PBK: variants seen among roughly 807,000 people sequenced by gnomAD.
PBK encodes PDZ binding kinase.
A neutral mutation model predicts 33.5 loss-of-function variants in PBK; 22 were observed. The ratio of observed to expected loss-of-function variants is 0.66; its 90% CI spans 0.47 to 0.94. PBK has a LOEUF of 0.94. Among genes scored for constraint, PBK ranks in the 40% least tolerant of loss-of-function variants. The pLI is 0.00. For missense variants in PBK, 376 were observed against 383.4 expected (o/e 0.98, Z 0.16); for synonymous variants, 129 against 123.8 (o/e 1.04, Z -0.28).
intron 3 of PBK, among the ~76,000 whole-genome samples, chr8:27,824,757 T>C (rs1481627621): frequency 1.3e-5 from 2 of 151,976 alleles, no homozygotes; most frequent in African/African-American, 4.8e-5. Flanking sequence ...TTTTAAAAAA[T>C]CAAAAGGGAC....
At chr8:27,817,187 T>C (rs779261545) in intron 6 of PBK, among the ~76,000 whole-genome samples, 1 of 152,096 alleles carries the variant, frequency 6.6e-6, no homozygotes, top group Admixed American at 6.6e-5. Flanking sequence ...AATATATATA[T>C]ATTTTTAGTG....
In PBK at chr8:27,810,095, C is replaced by A. The variant is rs6986820; in HGVS notation, c.*210G>T. 1,760 of 518,004 alleles carry A rather than the reference C, an allele frequency of 3.4e-3. 30 individuals are homozygous for A. The highest frequency in any genetic ancestry group is 0.032 in the African/African-American group (1,611 of 50,570). The allele number at this position is 518,004 out of a possible 1,614,324, so 32.1% of individuals were successfully genotyped here. ...ATCAAAGTACTTATGTAGCTAGTTT[C>A]TAAAACTTTACAGAAAACCCAGTAC... On this transcript the variant is annotated 3_prime_UTR_variant, in exon 8 of 8. Coordinates refer to ENST00000301905, the MANE Select transcript of PBK (RefSeq NM_018492.4).
chr8:27,820,592 A>C lies in PBK; in HGVS notation c.568T>G (p.Ser190Ala). ...GTCATATTTTCATCCAGTGGTAGAG[A>C]GACTCCTACATCACAGATTTTAATT... ...ETIKICDVGV[S>A]LPLDENMTVT... is the part of the protein sequence containing the mutation. The change falls in exon 6 of 8, where the codon TCT becomes GCT. Residue 190 changes from serine (S) to alanine (A), a missense_variant. By Grantham distance (99) the Ser-to-Ala change is moderately conservative. Coordinates refer to ENST00000301905, the MANE Select transcript of PBK (RefSeq NM_018492.4). The C allele has an allele frequency of 1.9e-6, 3 of 1,578,388 alleles. No homozygotes were observed. The highest frequency in any genetic ancestry group is 2.6e-6 in the Non-Finnish European group (3 of 1,151,890).
In PBK at chr8:27,823,131, C is replaced by T; in HGVS notation, c.227G>A (p.Ser76Asn). Residue 76 changes from serine to asparagine, a missense_variant, in exon 4 of 8, where the codon AGT becomes AAT. Transcript: ENST00000301905. ...ATCCATTAGTCTCTTTTGATACACA[C>T]TTCGATAATGATCATTACATATAGG... is the stretch of plus-strand genomic sequence containing the variant. ...INPICNDHYR[S>N]VYQKRLMDEA... 6.4e-7 allele frequency: 1 copy of T among 1,567,136 alleles called. No individual in the cohort carries two copies. Among genetic ancestry groups the T allele is most frequent in the Non-Finnish European group, 8.8e-7 (1 of 1,138,564 alleles).
At chr8:27,826,484 C>A (rs1806025358) in intron 3 of PBK, among the ~76,000 whole-genome samples, 2 of 147,460 alleles carry the variant, frequency 1.4e-5, no homozygotes, top group South Asian at 2.2e-4. Flanking sequence ...GTTGACAGGG[C>A]TGAATCAGGA....
intron 6 of PBK, among the ~76,000 whole-genome samples, chr8:27,814,598 G>C (rs990311472): frequency 2.2e-4 from 33 of 151,992 alleles, no homozygotes; most frequent in Non-Finnish European, 4.4e-5. Context: ...AATGAACATA[G>C]GTCATTGATT....
chr8:27,828,875 C>T (rs770782755), intron 2 of PBK, among the ~76,000 whole-genome samples: 17 of 151,182 alleles, frequency 1.1e-4, no homozygotes, highest in Non-Finnish European at 1.8e-4. Context: ...GAAAACTAGA[C>T]AAAATATAAT....
At chr8:27,813,426 C>T (rs868530814) in intron 6 of PBK, among the ~76,000 whole-genome samples, 4 of 152,144 alleles carry the variant, frequency 2.6e-5, no homozygotes, top group African/African-American at 9.7e-5. Flanking sequence ...CAAACCTGCA[C>T]ATTGTGCACA....
At chr8:27,819,325 T>G (rs1012410273) in intron 6 of PBK, among the ~76,000 whole-genome samples, 1 of 122,010 alleles carries the variant, frequency 8.2e-6, no homozygotes, top group Non-Finnish European at 1.8e-5. Flanking sequence ...CAGTTGAATA[T>G]TCAACTTAAC....
At chr8:27,822,542 A>C in intron 4 of PBK, 54 bp from the exon 5 acceptor site, 1 of 1,246,730 alleles carries the variant, frequency 8.0e-7, no homozygotes. Flanking sequence ...AATAATATTT[A>C]AGTCCTTTAT....
chr8:27,822,653 C>T (rs1333806810), intron 4 of PBK, among the ~76,000 whole-genome samples, 165 bp from the exon 5 acceptor site: 1 of 152,126 alleles, frequency 6.6e-6, no homozygotes, highest in Non-Finnish European at 1.5e-5. Flanking sequence ...ATTTAAAATG[C>T]CTTCAGTGTT....
intron 4 of PBK, among the ~76,000 whole-genome samples, chr8:27,822,807 C>A (rs760907159): frequency 6.6e-6 from 1 of 152,046 alleles, no homozygotes; most frequent in Non-Finnish European, 1.5e-5. Flanking sequence ...AAATGAAGAT[C>A]ATTTTATATT....
chr8:27,811,438 G>C (rs1805680281), intron 6 of PBK: 1 of 486,820 alleles, frequency 2.1e-6, no homozygotes, highest in Non-Finnish European at 3.7e-6. Flanking sequence ...TGCTTGGGTT[G>C]GTTCAAAGAC....
Position 27,822,503 on chromosome 8 carries a change from G to T in PBK, c.296-15C>A. ...AGCACGATAACCTTAAAGAAAACATGACATTTCTTCACTAATATAGAGAAG... is the reference window on the plus strand; with the variant it reads ...AGCACGATAACCTTAAAGAAAACATTACATTTCTTCACTAATATAGAGAAG... On this transcript the variant is annotated splice_polypyrimidine_tract_variant and intron_variant, in intron 4 of 7. Coordinates refer to ENST00000301905, the MANE Select transcript of PBK (RefSeq NM_018492.4). 6.4e-7 allele frequency: 1 copy of T among 1,560,674 alleles called. No individual in the cohort carries two copies. The highest frequency in any genetic ancestry group is 8.7e-7 in the Non-Finnish European group (1 of 1,147,090).
At chr8:27,812,722 C>T (rs1805716917) in intron 6 of PBK, 1 of 151,770 alleles carries the variant, frequency 6.6e-6, no homozygotes, top group Admixed American at 6.6e-5. Flanking sequence ...TGAAAAAATG[C>T]TCATCATCAC....
intron 2 of PBK, among the ~76,000 whole-genome samples, chr8:27,832,639 A>AT (rs2128965851): frequency 6.6e-6 from 1 of 152,298 alleles, no homozygotes. Flanking sequence ...AATTGTAGCT[A>AT]TTTTTTATAT....
intron 1 of PBK, among the ~76,000 whole-genome samples, chr8:27,833,880 T>C (rs979588191): frequency 1.3e-5 from 2 of 152,172 alleles, no homozygotes; most frequent in East Asian, 3.8e-4. Flanking sequence ...AGATGATGAA[T>C]GGATAAACAA....
chr8:27,810,150 A>AT lies in PBK; in HGVS notation c.*154dup. On this transcript the variant is annotated 3_prime_UTR_variant, in exon 8 of 8. Transcript: ENST00000301905. Reference sequence around the variant, plus strand: ...CCAAGTGCTTATAGCCAATATAAGCATATTTCATATTAGAAATAGTTATCC... The same window carrying AT: ...CCAAGTGCTTATAGCCAATATAAGCATTATTTCATATTAGAAATAGTTATCC... The AT allele has an allele frequency of 3.3e-6, 2 of 610,882 alleles. No homozygotes were observed. Among genetic ancestry groups the AT allele is most frequent in the South Asian group, 4.1e-5 (2 of 48,248 alleles). 37.8% of individuals were successfully genotyped at this position (610,882 alleles called of 1,614,324 possible).
At chr8:27,814,757 T>C (rs940206623) in intron 6 of PBK, among the ~76,000 whole-genome samples, 3 of 152,214 alleles carry the variant, frequency 2.0e-5, no homozygotes, top group African/African-American at 4.8e-5. Context: ...ATTTGACCCA[T>C]AGGTTATTTA....
Sources: gnomAD v4.1 joint callset for allele counts (sites outside exome capture counted in the v4.1 genomes callset) on GRCh38, gnomAD v4.1.1 for gene constraint, MANE v1.5 for transcripts, NCBI Gene and HGNC (gene_info 2026-07-23, HGNC 2026-07-21) for gene names.